The following NTM variants were observed in gnomAD, a reference collection of about 807,000 sequenced individuals.
The protein encoded by NTM is neurotrimin, also known as IgLON family member 2.
A neutral mutation model predicts 42.1 loss-of-function variants in NTM; 13 were observed. The ratio of observed to expected loss-of-function variants is 0.31; its 90% CI spans 0.20 to 0.49. The LOEUF (loss-of-function observed/expected upper bound fraction) is 0.49, where lower values mean the gene tolerates loss of function less well. NTM is among the 20% of genes least tolerant of loss of function. The pLI is 0.99. For missense variants in NTM, 373 were observed against 452.8 expected (o/e 0.82, Z 1.60); for synonymous variants, 187 against 179.2 (o/e 1.04, Z -0.35).
intron 2 of NTM, among the ~76,000 whole-genome samples, chr11:131,926,727 G>A (rs1462493044): frequency 4.6e-5 from 7 of 152,298 alleles, no homozygotes; most frequent in South Asian, 2.1e-4. Flanking sequence ...CACTTGCTGC[G>A]CACAGAGGCC....
chr11:131,938,094 G>C (rs774618982), intron 2 of NTM, among the ~76,000 whole-genome samples: 1 of 152,180 alleles, frequency 6.6e-6, no homozygotes, highest in African/African-American at 2.4e-5. Context: ...ATTGTAAGTG[G>C]TCAGGGTACA....
intron 1 of NTM, among the ~76,000 whole-genome samples, chr11:131,811,858 G>A (rs766575453): frequency 3.6e-4 from 55 of 152,174 alleles, no homozygotes; most frequent in Non-Finnish European, 6.6e-4. Context: ...ATTTGCAATG[G>A]CCTCTAAAGA....
intron 1 of NTM, among the ~76,000 whole-genome samples, chr11:131,687,133 C>G (rs1447002363): frequency 6.6e-6 from 1 of 152,254 alleles, no homozygotes; most frequent in Admixed American, 6.5e-5. Context: ...CAGGGCCCCT[C>G]CACGTCATGC....
intron 4 of NTM, among the ~76,000 whole-genome samples, chr11:132,242,503 G>T (rs569258350): frequency 6.6e-6 from 1 of 152,190 alleles, no homozygotes; most frequent in Admixed American, 6.5e-5. Flanking sequence ...TGGGCGTCTC[G>T]CTAGTTTTTC....
intron 1 of NTM, among the ~76,000 whole-genome samples, chr11:131,615,203 C>A (rs552644369): frequency 1.3e-5 from 2 of 152,332 alleles, no homozygotes; most frequent in South Asian, 4.1e-4. Flanking sequence ...GAACATAACA[C>A]AGTCTGGGAC....
intron 4 of NTM, among the ~76,000 whole-genome samples, chr11:132,293,328 G>A (rs759027442): frequency 6.6e-6 from 1 of 152,076 alleles, no homozygotes; most frequent in Non-Finnish European, 1.5e-5. Flanking sequence ...AAATATGTGC[G>A]GTATTTAAAA....
intron 1 of NTM, among the ~76,000 whole-genome samples, chr11:131,542,406 C>A (rs1166476376): frequency 6.6e-6 from 1 of 152,164 alleles, no homozygotes; most frequent in Non-Finnish European, 1.5e-5. Context: ...AAGACAGTGA[C>A]AATGTTAAGT....
At chr11:132,111,021 GC>G (rs1396816822) in intron 2 of NTM, among the ~76,000 whole-genome samples, 1 of 133,704 alleles carries the variant, frequency 7.5e-6, no homozygotes, top group African/African-American at 2.8e-5. Context: ...CCATGATTGT[GC>G]CACTGCACAC....
chr11:132,055,040 G>A (rs1349232329), intron 2 of NTM, among the ~76,000 whole-genome samples: 4 of 152,228 alleles, frequency 2.6e-5, no homozygotes, highest in Admixed American at 2.0e-4. Context: ...GAAAACCACT[G>A]TTACATCTAC....
chr11:131,964,146 G>C (rs1036813675), intron 2 of NTM, among the ~76,000 whole-genome samples: 3 of 152,132 alleles, frequency 2.0e-5, no homozygotes, highest in African/African-American at 7.2e-5. Flanking sequence ...AGTCCAGAAG[G>C]GTGAGTGGAC....
intron 1 of NTM, among the ~76,000 whole-genome samples, chr11:131,442,965 T>C (rs1164845035): frequency 2.0e-5 from 3 of 152,188 alleles, no homozygotes; most frequent in Non-Finnish European, 4.4e-5. Context: ...CTTTTCTATA[T>C]ATAATAATTT....
chr11:132,323,595 G>A (rs902360526), intron 7 of NTM, among the ~76,000 whole-genome samples: 11 of 152,054 alleles, frequency 7.2e-5, no homozygotes, highest in South Asian at 4.2e-4. Flanking sequence ...TCTACCAGAG[G>A]TACAAGGAGG....
At chr11:132,311,265 T>G (rs530193963) in intron 6 of NTM, among the ~76,000 whole-genome samples, 3 of 152,296 alleles carry the variant, frequency 2.0e-5, no homozygotes, top group African/African-American at 7.2e-5. Flanking sequence ...AAATTGAATT[T>G]TGTTTAGAAC....
At chr11:131,510,957 G>A (rs1385558183) in intron 1 of NTM, among the ~76,000 whole-genome samples, 2 of 152,208 alleles carry the variant, frequency 1.3e-5, no homozygotes, top group African/African-American at 4.8e-5. Flanking sequence ...TGGAAGGACA[G>A]GGCCATACTG....
At chr11:131,998,362 G>A (rs1214715741) in intron 2 of NTM, among the ~76,000 whole-genome samples, 2 of 152,194 alleles carry the variant, frequency 1.3e-5, no homozygotes, top group Middle Eastern at 3.4e-3. Context: ...ATCAGTATCC[G>A]GCATGTGGCA....
At chr11:132,029,563 T>G (rs752143666) in intron 2 of NTM, among the ~76,000 whole-genome samples, 8 of 152,058 alleles carry the variant, frequency 5.3e-5, no homozygotes, top group Non-Finnish European at 1.2e-4. Context: ...TGATGATGAC[T>G]CCAGCCTGTT....
intron 2 of NTM, among the ~76,000 whole-genome samples, chr11:131,980,936 C>G (rs377226720): frequency 3.3e-5 from 5 of 152,184 alleles, no homozygotes; most frequent in African/African-American, 9.7e-5. Flanking sequence ...GTACTTTGTT[C>G]CATCTGCCTA....
chr11:132,122,325 A>G (rs780048726), intron 2 of NTM, among the ~76,000 whole-genome samples: 2 of 152,088 alleles, frequency 1.3e-5, no homozygotes, highest in Non-Finnish European at 2.9e-5. Context: ...GTAGACGTGG[A>G]TTTTCCCCAC....
chr11:131,503,472 A>G (rs1175601309), intron 1 of NTM, among the ~76,000 whole-genome samples: 18 of 152,094 alleles, frequency 1.2e-4, no homozygotes, highest in Non-Finnish European at 2.4e-4. Flanking sequence ...GTGCACCAGG[A>G]AAACGGACTG....
Sources: allele counts gnomAD v4.1 joint callset (sites outside exome capture counted in the v4.1 genomes callset), GRCh38; gene constraint gnomAD v4.1.1; transcripts MANE v1.5; gene names NCBI Gene and HGNC (gene_info 2026-07-23, HGNC 2026-07-21).